ANTXRL: variants seen among roughly 807,000 people sequenced by gnomAD.
The protein encoded by ANTXRL is ANTXR like.
In ANTXRL, 63 loss-of-function variants were observed where a neutral mutation model predicts 75.4. That is an observed-to-expected ratio of 0.84 (90% CI 0.68 to 1.03). The LOEUF (loss-of-function observed/expected upper bound fraction) is 1.03, where lower values mean the gene tolerates loss of function less well. Among genes scored for constraint, ANTXRL ranks in the 50% least tolerant of loss-of-function variants. The pLI is 0.00. For synonymous variants in ANTXRL, 335 were observed against 291.3 expected, an observed-to-expected ratio of 1.15 and a Z score of -1.53; for missense variants, 797 against 789.4, an observed-to-expected ratio of 1.01 and a Z score of -0.12.
intron 9 of ANTXRL, among the ~76,000 whole-genome samples, 183 bp from the exon 10 acceptor site, chr10:46,302,539 C>T (rs1443676832): frequency 6.6e-5 from 10 of 152,160 alleles, no homozygotes; most frequent in African/African-American, 2.4e-4. Context: ...CTCCTGGACC[C>T]TCAGTGACAC....
At chr10:46,296,880 C>G (rs1837411399) in intron 5 of ANTXRL, among the ~76,000 whole-genome samples, 1 of 152,176 alleles carries the variant, frequency 6.6e-6, no homozygotes, top group Admixed American at 6.5e-5. Flanking sequence ...ACAGGAGGGC[C>G]CAGCAGCTCC....
intron 16 of ANTXRL, among the ~76,000 whole-genome samples, chr10:46,326,083 G>T (rs374231332): frequency 1.3e-5 from 2 of 148,976 alleles, no homozygotes; most frequent in African/African-American, 4.9e-5. Context: ...TTCTTTGTAA[G>T]GCATCTGGGT....
chr10:46,326,892 C>A (rs1224711514), intron 16 of ANTXRL, among the ~76,000 whole-genome samples: 1 of 152,058 alleles, frequency 6.6e-6, no homozygotes, highest in African/African-American at 2.4e-5. Context: ...CTGGGTACGG[C>A]CTTGAGCTTT....
chr10:46,292,040 C>T lies in ANTXRL; in HGVS notation c.249-18C>T, dbSNP rs781925425. 6.5e-7 allele frequency: 1 copy of T among 1,535,660 alleles called. No homozygotes were observed. The highest frequency in any genetic ancestry group is 8.7e-7 in the Non-Finnish European group (1 of 1,146,342). ...GAGATGCACTCATCTCCCTGACCCA[C>T]ATCTCCTTTTGTTTTAGGTCTGGCA... On this transcript the variant is annotated intron_variant, in intron 1 of 16. Coordinates refer to ENST00000620264, the MANE Select transcript of ANTXRL (RefSeq NM_001278688.3).
intron 16 of ANTXRL, among the ~76,000 whole-genome samples, chr10:46,313,541 T>G (rs1838555226): frequency 6.6e-6 from 1 of 152,162 alleles, no homozygotes. Context: ...CTGGCTAGGA[T>G]GGCTAACAGA....
At chr10:46,313,858 T>C (rs1270893687) in intron 16 of ANTXRL, among the ~76,000 whole-genome samples, 1 of 152,296 alleles carries the variant, frequency 6.6e-6, no homozygotes, top group East Asian at 1.9e-4. Context: ...AGCATGTCCC[T>C]GCTCCTAAAG....
intron 16 of ANTXRL, among the ~76,000 whole-genome samples, chr10:46,314,877 TC>T (rs1301596587): frequency 1.3e-5 from 2 of 152,028 alleles, no homozygotes; most frequent in East Asian, 3.9e-4. Flanking sequence ...CCCAGATCTG[TC>T]CCTAACCCAG....
At chr10:46,289,076 C>T (rs569562210) in intron 1 of ANTXRL, among the ~76,000 whole-genome samples, 2 of 152,140 alleles carry the variant, frequency 1.3e-5, no homozygotes, top group Non-Finnish European at 2.9e-5. Flanking sequence ...GGGCGGGACC[C>T]TGAGAAACTT....
At chr10:46,288,699 T>C (rs1422377082) in intron 1 of ANTXRL, among the ~76,000 whole-genome samples, 1 of 151,980 alleles carries the variant, frequency 6.6e-6, no homozygotes, top group Admixed American at 6.6e-5. Flanking sequence ...GTGATGAGGA[T>C]GAAGGGAGAA....
chr10:46,296,850 C>G (rs1390291019), intron 5 of ANTXRL, among the ~76,000 whole-genome samples: 1 of 152,142 alleles, frequency 6.6e-6, no homozygotes, highest in African/African-American at 2.4e-5. Flanking sequence ...CCCCTGGGAG[C>G]CTCCCTGAGC....
chr10:46,323,335 A>G (rs549797869), intron 16 of ANTXRL, among the ~76,000 whole-genome samples: 10 of 152,208 alleles, frequency 6.6e-5, no homozygotes, highest in Non-Finnish European at 1.0e-4. Flanking sequence ...CTCGTAAATT[A>G]ACGCAAGAGG....
intron 16 of ANTXRL, among the ~76,000 whole-genome samples, chr10:46,319,169 C>A (rs1024867345): frequency 6.6e-6 from 1 of 152,158 alleles, no homozygotes; most frequent in Non-Finnish European, 1.5e-5. Flanking sequence ...CTTTCTCAGA[C>A]CAAAATTTAG....
chr10:46,302,859 C>T (rs1837838426), intron 10 of ANTXRL, 39 bp downstream of exon 10: 1 of 1,409,504 alleles, frequency 7.1e-7, no homozygotes. Context: ...CACGTATTTC[C>T]CACACAATGC....
chr10:46,297,305 G>A lies in ANTXRL; in HGVS notation c.562G>A (p.Ala188Thr). ...AMTDGELVAH[A>T]FQDTLREAQK... is the part of the protein sequence containing the mutation. Reference sequence around the variant, plus strand: ...GACTGATGGAGAACTGGTGGCACATGCATTTCAGGACACTCTCAGAGAAGT... The same window carrying A: ...GACTGATGGAGAACTGGTGGCACATACATTTCAGGACACTCTCAGAGAAGT... The change falls in exon 6 of 17, where the codon GCA (alanine) becomes ACA (threonine). Residue 188 changes from alanine to threonine, a missense_variant. Ala to Thr is a moderately conservative substitution (Grantham distance 58, BLOSUM62 0). Around this residue, in one of 3 missense-constraint regions of ANTXRL, gnomAD observed 262 missense variants for 271.9 expected, o/e 0.96. Transcript: ENST00000620264. 6.5e-7 allele frequency: 1 copy of A among 1,536,488 alleles called. No individual in the cohort carries two copies.
Position 46,287,147 on chromosome 10 carries a change from G to A in ANTXRL, c.-116G>A. ...GTGTGCACTGGTGAAAGGGCAGGAGGAGGGGTGTGGCCCCGGGCATAAGGG... is the reference window on the plus strand; with the variant it reads ...GTGTGCACTGGTGAAAGGGCAGGAGAAGGGGTGTGGCCCCGGGCATAAGGG... On this transcript the variant is annotated 5_prime_UTR_variant, in exon 1 of 17. Transcript: ENST00000620264. The A allele has an allele frequency of 1.5e-6, 2 of 1,332,984 alleles. No individual in the cohort carries two copies. Among genetic ancestry groups the A allele is most frequent in the South Asian group, 3.0e-5 (2 of 66,888 alleles). 82.6% of individuals were successfully genotyped at this position (1,332,984 alleles called of 1,614,324 possible).
At position 46,313,315 on chromosome 10, in the gene ANTXRL, A is replaced by T; in HGVS notation, c.1409A>T (p.Gln470Leu). 5 of 1,535,846 alleles carry T rather than the reference A, an allele frequency of 3.3e-6. No individual in the cohort carries two copies. Among genetic ancestry groups the T allele is most frequent in the Non-Finnish European group, 4.4e-6 (5 of 1,146,664 alleles). ...VPWMCCQSRDQGRYLSLALAQ... is the reference protein window; with the variant it reads ...VPWMCCQSRDLGRYLSLALAQ... ...TGGATGTGTTGTCAGAGCAGGGACC[A>T]GGTGAGCTAGGGCACAGGGACACAG... The change falls in exon 16 of 17, where the codon CAG (glutamine) becomes CTG (leucine). Residue 470 changes from glutamine to leucine, a missense_variant and splice_region_variant. Physicochemically the swap from Gln to Leu is moderately radical, Grantham distance 113. Transcript: ENST00000620264.
chr10:46,292,162 C>A (rs2132646276), intron 2 of ANTXRL, 33 bp downstream of exon 2: 1 of 1,532,086 alleles, frequency 6.5e-7, no homozygotes, highest in Non-Finnish European at 8.7e-7. Context: ...CTCCCCTGAG[C>A]TGCAGAGAGC....
intron 12 of ANTXRL, 70 bp downstream of exon 12, chr10:46,307,550 GA>G: frequency 7.2e-7 from 1 of 1,390,470 alleles, no homozygotes; most frequent in Non-Finnish European, 9.8e-7. Flanking sequence ...AAGGAGCACA[GA>G]AAAGGCAGAC....
intron 9 of ANTXRL, among the ~76,000 whole-genome samples, chr10:46,299,024 A>T (rs1554959831): frequency 6.6e-6 from 1 of 151,962 alleles, no homozygotes; most frequent in Non-Finnish European, 1.5e-5. Context: ...GCAAGAAAAG[A>T]CATGTGTGAG....
Sources: gnomAD v4.1 joint callset for allele counts (sites outside exome capture counted in the v4.1 genomes callset) on GRCh38, gnomAD v4.1.1 for gene constraint, gnomAD v4.1.1 regional missense constraint, MANE v1.5 for transcripts, NCBI Gene and HGNC (gene_info 2026-07-23, HGNC 2026-07-21) for gene names.